Variants in C1QTNF7 observed in about 807,000 individuals in gnomAD.
The protein encoded by C1QTNF7 is complement C1q tumor necrosis factor-related protein 7.
C1QTNF7 carries 15 observed loss-of-function variants against 19.6 expected under a neutral mutation model. The observed-to-expected ratio is 0.76, with a 90% CI of 0.51 to 1.18. C1QTNF7 has a LOEUF of 1.18. Ranked by LOEUF, C1QTNF7 falls within the 50% of genes most tolerant of loss-of-function variation. C1QTNF7 has a pLI of 0.00. For synonymous variants in C1QTNF7, 142 were observed against 137.5 expected (o/e 1.03, Z -0.23); for missense variants, 324 against 359.7 (o/e 0.90, Z 0.80).
At chr4:15,406,857 C>A (rs1388388877) in intron 1 of C1QTNF7, among the ~76,000 whole-genome samples, 9 of 151,988 alleles carry the variant, frequency 5.9e-5, no homozygotes, top group Admixed American at 5.9e-4. Context: ...TGTATCTTTC[C>A]AGATGCAGAT....
Position 15,442,761 on chromosome 4 carries a change from G to A in C1QTNF7, c.832G>A (p.Asp278Asn). 1 of 1,612,814 alleles carries A rather than the reference G, an allele frequency of 6.2e-7. No individual in the cohort carries two copies. The highest frequency in any genetic ancestry group is 2.2e-5 in the East Asian group (1 of 44,870). ...CGGGTTTCTCTTATACGTTGACACA[G>A]ATTACCTAGATTCCATATCAGAAGA... ...FSGFLLYVDTDYLDSISEDDE... is the reference protein window; with the variant it reads ...FSGFLLYVDTNYLDSISEDDE... The change falls in exon 3 of 3, where the codon GAT (aspartate) becomes AAT (asparagine). Residue 278 changes from aspartate (D) to asparagine (N), a missense_variant. Asp to Asn is a conservative substitution (Grantham distance 23). Transcript: ENST00000444304.
chr4:15,430,668 A>C (rs1712261936), intron 1 of C1QTNF7, among the ~76,000 whole-genome samples: 1 of 152,208 alleles, frequency 6.6e-6, no homozygotes, highest in South Asian at 2.1e-4. Context: ...AATGTTTATG[A>C]AATTGTGACC....
chr4:15,438,889 G>A (rs1712638252), intron 2 of C1QTNF7, among the ~76,000 whole-genome samples: 1 of 152,206 alleles, frequency 6.6e-6, no homozygotes, highest in Non-Finnish European at 1.5e-5. Context: ...ATTAATGTTA[G>A]ATGGTTTACA....
At chr4:15,392,642 C>T (rs558317969) in intron 1 of C1QTNF7, among the ~76,000 whole-genome samples, 10 of 152,342 alleles carry the variant, frequency 6.6e-5, no homozygotes, top group South Asian at 2.1e-4. Flanking sequence ...TCTCAGGCAC[C>T]GGCAGAAGGA....
chr4:15,435,959 GA>G lies in C1QTNF7; in HGVS notation c.219del (p.Gly74ValfsTer8). On this transcript the variant is annotated frameshift_variant, in exon 2 of 3. Transcript: ENST00000444304. LOFTEE classifies it high-confidence loss of function. The part of the protein sequence containing the change: ...RDGRDGRKGE[K>X]GEKGTAGLRG... Reference sequence around the variant, plus strand: ...ATGGTAGAGACGGCAGGAAAGGAGAGAAAGGTGAAAAGGGAACTGCAGGTAA... The same window carrying G: ...ATGGTAGAGACGGCAGGAAAGGAGAGAAGGTGAAAAGGGAACTGCAGGTAA... 6.2e-7 allele frequency: 1 copy of G among 1,613,852 alleles called. No homozygotes were observed. Among genetic ancestry groups the G allele is most frequent in the South Asian group, 1.1e-5 (1 of 91,048 alleles).
intron 1 of C1QTNF7, among the ~76,000 whole-genome samples, chr4:15,391,434 A>T (rs1718554337): frequency 6.6e-6 from 1 of 152,134 alleles, no homozygotes; most frequent in African/African-American, 2.4e-5. Context: ...GTTTTGAGAG[A>T]AGGAGAAGAA....
chr4:15,341,215 G>A (rs995793709), intron 1 of C1QTNF7, among the ~76,000 whole-genome samples: 1 of 152,290 alleles, frequency 6.6e-6, no homozygotes, highest in Admixed American at 6.5e-5. Flanking sequence ...AGTGGTTTGC[G>A]ACATTTAGGT....
intron 1 of C1QTNF7, among the ~76,000 whole-genome samples, chr4:15,361,466 G>T (rs751781478): frequency 6.6e-6 from 1 of 151,936 alleles, no homozygotes; most frequent in Admixed American, 6.6e-5. Context: ...CACATTAATC[G>T]CTTACATTGC....
intron 1 of C1QTNF7, among the ~76,000 whole-genome samples, chr4:15,418,849 T>G (rs1479405746): frequency 6.6e-6 from 1 of 152,206 alleles, no homozygotes; most frequent in Non-Finnish European, 1.5e-5. Flanking sequence ...TGCAGAGCCC[T>G]CAGCACAGAG....
At chr4:15,364,628 T>C (rs1011956297) in intron 1 of C1QTNF7, among the ~76,000 whole-genome samples, 1 of 152,220 alleles carries the variant, frequency 6.6e-6, no homozygotes, top group Non-Finnish European at 1.5e-5. Context: ...TCCTGAATTG[T>C]AATAACTTCA....
chr4:15,364,666 C>T (rs1229433271), intron 1 of C1QTNF7, among the ~76,000 whole-genome samples: 9 of 152,126 alleles, frequency 5.9e-5, no homozygotes, highest in Admixed American at 3.3e-4. Flanking sequence ...AGAAATTACA[C>T]ATAAACTTTC....
At chr4:15,414,144 C>T (rs368153482) in intron 1 of C1QTNF7, among the ~76,000 whole-genome samples, 23 of 152,048 alleles carry the variant, frequency 1.5e-4, no homozygotes, top group African/African-American at 5.6e-4. Context: ...ATAGTTTAAT[C>T]ATCCTTGAAG....
intron 1 of C1QTNF7, among the ~76,000 whole-genome samples, chr4:15,434,538 G>A (rs1169441421): frequency 1.3e-5 from 2 of 152,070 alleles, no homozygotes; most frequent in South Asian, 4.1e-4. Context: ...TAAAGCATGG[G>A]TCCAACCATC....
intron 1 of C1QTNF7, among the ~76,000 whole-genome samples, chr4:15,393,187 C>CT (rs1360044360): frequency 6.6e-6 from 1 of 152,152 alleles, no homozygotes; most frequent in Admixed American, 6.5e-5. Flanking sequence ...TAAGACATGC[C>CT]TTTTGCCTTC....
At chr4:15,418,203 G>A (rs1711538553) in intron 1 of C1QTNF7, among the ~76,000 whole-genome samples, 1 of 152,100 alleles carries the variant, frequency 6.6e-6, no homozygotes, top group African/African-American at 2.4e-5. Context: ...CCACTCAGCT[G>A]CATCAGCCTC....
intron 1 of C1QTNF7, among the ~76,000 whole-genome samples, chr4:15,348,762 A>G (rs1484299266): frequency 6.6e-6 from 1 of 152,216 alleles, no homozygotes; most frequent in Non-Finnish European, 1.5e-5. Context: ...TTTTTGACCT[A>G]TAGAAATGGC....
Position 15,434,743 on chromosome 4 carries a change from T to C in C1QTNF7, c.-8-993T>C, listed in dbSNP as rs112442982. ...CATCATTCTGAGCTTCTAGGCTTTA[T>C]GGGGGAGTCCTATTAGATCAGAATT... On this transcript the variant is annotated intron_variant, in intron 1 of 2. Coordinates refer to ENST00000444304, the MANE Select transcript of C1QTNF7 (RefSeq NM_031911.5). Among the ~76,000 whole-genome samples, 845 of 152,294 alleles carry C rather than the reference T, an allele frequency of 5.5e-3. 5 individuals carry two copies. Among genetic ancestry groups the C allele is most frequent in the African/African-American group, 0.019 (788 of 41,560 alleles).
At chr4:15,436,683 T>C (rs1712550164) in intron 2 of C1QTNF7, among the ~76,000 whole-genome samples, 1 of 152,222 alleles carries the variant, frequency 6.6e-6, no homozygotes, top group African/African-American at 2.4e-5. Flanking sequence ...CAAAATAAGT[T>C]GGTCCGGGAA....
chr4:15,438,310 T>C (rs983349448), intron 2 of C1QTNF7, among the ~76,000 whole-genome samples: 2 of 152,146 alleles, frequency 1.3e-5, no homozygotes, highest in African/African-American at 4.8e-5. Context: ...AAGAGAGGTG[T>C]ACCTCACTTA....
Sources: gnomAD v4.1 joint callset for allele counts (sites outside exome capture counted in the v4.1 genomes callset) on GRCh38, gnomAD v4.1.1 for gene constraint, MANE v1.5 for transcripts, NCBI Gene and HGNC (gene_info 2026-07-23, HGNC 2026-07-21) for gene names.